GUCY1B1: variants seen among roughly 807,000 people sequenced by gnomAD.
GUCY1B1 encodes the protein guanylate cyclase 1 soluble subunit beta 1, also known as guanylate cyclase soluble subunit beta-1.
In GUCY1B1, 43 loss-of-function variants were observed where a neutral mutation model predicts 71.0. The ratio of observed to expected loss-of-function variants is 0.61; its 90% CI spans 0.47 to 0.78. GUCY1B1 has a LOEUF of 0.78. Among genes scored for constraint, GUCY1B1 ranks in the 30% least tolerant of loss-of-function variants. The probability of loss-of-function intolerance (pLI) is 0.00; values close to 1 mark genes in which losing one functional copy is unlikely to be tolerated. For missense variants in GUCY1B1, 535 were observed against 754.1 expected (o/e 0.71, Z 3.40); for synonymous variants, 266 against 259.7 (o/e 1.02, Z -0.23).
chr4:155,781,455 C>A (rs1226603470), intron 4 of GUCY1B1, among the ~76,000 whole-genome samples: 1 of 152,114 alleles, frequency 6.6e-6, no homozygotes, highest in Non-Finnish European at 1.5e-5. Flanking sequence ...CCTGCTTATG[C>A]AGTCTCTCCT....
chr4:155,805,796 C>G (rs1668202830), intron 13 of GUCY1B1, among the ~76,000 whole-genome samples: 1 of 152,130 alleles, frequency 6.6e-6, no homozygotes, highest in African/African-American at 2.4e-5. Flanking sequence ...TAAGTTCTTT[C>G]TACTACTATG....
chr4:155,772,633 T>G, intron 2 of GUCY1B1: 1 of 697,004 alleles, frequency 1.4e-6, no homozygotes, highest in South Asian at 1.5e-5. Context: ...TCGCCCAGGC[T>G]GTTCTCAAAT....
chr4:155,788,271 G>A (rs1579230760), intron 4 of GUCY1B1, among the ~76,000 whole-genome samples: 1 of 152,294 alleles, frequency 6.6e-6, no homozygotes, highest in East Asian at 1.9e-4. Context: ...CAGTTATAGG[G>A]CTGAGGACCC....
intron 3 of GUCY1B1, among the ~76,000 whole-genome samples, chr4:155,776,787 A>T (rs1738081752): frequency 6.6e-6 from 1 of 152,232 alleles, no homozygotes; most frequent in Non-Finnish European, 1.5e-5. Flanking sequence ...GTTATTAAAT[A>T]TACATATTTA....
rs779883763 is a variant in GUCY1B1, at chr4:155,803,618, T to C, written c.1414-6T>C. ...ACCGTGAACATCTAAATATATGTAC[T>C]GTTAGGTGGAGACTGTTGGTGACAA... On this transcript the variant is annotated splice_region_variant and splice_polypyrimidine_tract_variant and intron_variant, in intron 10 of 13. Transcript: ENST00000264424. 1.3e-6 allele frequency: 2 copies of C among 1,550,190 alleles called. No individual in the cohort carries two copies. Among genetic ancestry groups the C allele is most frequent in the Non-Finnish European group, 1.7e-6 (2 of 1,147,940 alleles).
chr4:155,793,957 A>G lies in GUCY1B1; in HGVS notation c.597A>G (p.Glu199=). The change falls in exon 6 of 14, where the codon GAA becomes GAG. Residue 199 remains glutamate, a synonymous_variant. Coordinates refer to ENST00000264424, the MANE Select transcript of GUCY1B1 (RefSeq NM_000857.5). The part of the protein sequence containing the change: ...EDFYEDLDRF[E]ENGTQESRIS... ...TTTATGAAGATCTTGACAGATTTGA[A>G]GAAAATGGTACCCAGGAATCACGCA... 1 of 1,602,702 alleles carries G rather than the reference A, an allele frequency of 6.2e-7. No individual in the cohort carries two copies.
Position 155,789,800 on chromosome 4 carries a change from C to A in GUCY1B1, c.384C>A (p.Gly128=), listed in dbSNP as rs1429497805. 1 of 1,607,806 alleles carries A rather than the reference C, an allele frequency of 6.2e-7. No homozygotes were observed. Residue 128 remains glycine, a synonymous_variant, in exon 5 of 14, where the codon GGC becomes GGA. Transcript: ENST00000264424. ...PSFRCTDAEK[G]KGLILHYYSE... ...TTAGGTGCACTGATGCAGAAAAGGG[C>A]AAAGGACTCATTTTGCACTACTACT...
At chr4:155,782,340 C>T (rs1413807214) in intron 4 of GUCY1B1, among the ~76,000 whole-genome samples, 2 of 152,166 alleles carry the variant, frequency 1.3e-5, no homozygotes, top group African/African-American at 2.4e-5. Context: ...CCGCCCGCCT[C>T]GGCCTCCCAA....
chr4:155,789,842 T>C lies in GUCY1B1; in HGVS notation c.426T>C (p.Leu142=). The C allele has an allele frequency of 6.2e-7, 1 of 1,612,862 alleles. No individual in the cohort carries two copies. Among genetic ancestry groups the C allele is most frequent in the Non-Finnish European group, 8.5e-7 (1 of 1,178,916 alleles). The change falls in exon 5 of 14, where the codon CTT becomes CTC. Residue 142 remains leucine (L), a synonymous_variant. Transcript: ENST00000264424. Reference sequence around the variant, plus strand: ...ACTACTACTCAGAGAGAGAAGGACTTCAGGATATTGTCATTGGAATCATCA... The same window carrying C: ...ACTACTACTCAGAGAGAGAAGGACTCCAGGATATTGTCATTGGAATCATCA... ...ILHYYSEREG[L]QDIVIGIIKT...
chr4:155,775,346 G>A (rs192041445), intron 3 of GUCY1B1, among the ~76,000 whole-genome samples: 66 of 152,316 alleles, frequency 4.3e-4, no homozygotes, highest in Admixed American at 4.3e-3. Context: ...CTGCACTGCA[G>A]TAGTGGCCCA....
In GUCY1B1 at chr4:155,785,190, A is replaced by G. The variant is rs115993906; in HGVS notation, c.298-4524A>G. 267 of 627,328 alleles carry G rather than the reference A, an allele frequency of 4.3e-4. 1 individual carries two copies. Among genetic ancestry groups the G allele is most frequent in the Non-Finnish European group, 6.9e-4 (248 of 359,192 alleles). 38.9% of individuals were successfully genotyped at this position (627,328 alleles called of 1,614,324 possible). On this transcript the variant is annotated intron_variant, in intron 4 of 13. Coordinates refer to ENST00000264424, the MANE Select transcript of GUCY1B1 (RefSeq NM_000857.5). ...AATTATTAAATTAAAACCTTTAGGTATCTCAAGATATCAAAATAGATGAAT... is the reference window on the plus strand; with the variant it reads ...AATTATTAAATTAAAACCTTTAGGTGTCTCAAGATATCAAAATAGATGAAT...
rs1738695048 is a variant in GUCY1B1, at chr4:155,785,382, ACTT to A, written c.298-4328_298-4326del. 43 of 797,498 alleles carry A rather than the reference ACTT, an allele frequency of 5.4e-5. No homozygotes were observed. The South Asian group carries it at 6.4e-4, about 12-fold the overall frequency. The allele number at this position is 797,498 out of a possible 1,614,324, so 49.4% of individuals were successfully genotyped here. A position where few individuals can be genotyped will look rare whatever the true frequency, so the allele number is the denominator to read the frequency against. On this transcript the variant is annotated intron_variant, in intron 4 of 13. Transcript: ENST00000264424. ...TTTTTACTTTCATACATATGGACAT[ACTT>A]CTTTGCAATTGGCCACACAGCTCTT...
intron 7 of GUCY1B1, 47 bp downstream of exon 7, chr4:155,795,504 A>C (rs771506705): frequency 2.2e-6 from 2 of 911,480 alleles, no homozygotes; most frequent in Non-Finnish European, 3.6e-6. Flanking sequence ...TATGTCACAA[A>C]TTAGAAGTAT....
In GUCY1B1 at chr4:155,799,915, A is replaced by G. The variant is rs1739826529; in HGVS notation, c.1016A>G (p.Tyr339Cys). Reference protein sequence around the residue: ...NLDDLTRRGLYLSDIPLHDAT... With the variant: ...NLDDLTRRGLCLSDIPLHDAT... ...GACGATTTGACAAGGAGAGGGCTGT[A>G]TCTAAGTGACATCCCTCTGCATGAT... The change falls in exon 9 of 14, where the codon TAT becomes TGT. Residue 339 changes from tyrosine (Y) to cysteine (C), a missense_variant. Coordinates refer to ENST00000264424, the MANE Select transcript of GUCY1B1 (RefSeq NM_000857.5). 2 of 1,612,614 alleles carry G rather than the reference A, an allele frequency of 1.2e-6. No homozygotes were observed. Among genetic ancestry groups the G allele is most frequent in the Non-Finnish European group, 1.7e-6 (2 of 1,178,860 alleles).
intron 6 of GUCY1B1, among the ~76,000 whole-genome samples, chr4:155,794,527 G>T (rs1217187787): frequency 6.6e-6 from 1 of 152,146 alleles, no homozygotes; most frequent in Non-Finnish European, 1.5e-5. Context: ...GATGATGATG[G>T]ATTCAGTAGA....
chr4:155,789,868 A>G lies in GUCY1B1; in HGVS notation c.452A>G (p.Lys151Arg), dbSNP rs763580920. ...GLQDIVIGII[K>R]TVAQQIHGTE... is the part of the protein sequence containing the mutation. Reference sequence around the variant, plus strand: ...CAGGATATTGTCATTGGAATCATCAAAACAGTGGCACAACAAATCCATGGC... The same window carrying G: ...CAGGATATTGTCATTGGAATCATCAGAACAGTGGCACAACAAATCCATGGC... The change falls in exon 5 of 14, where the codon AAA (lysine) becomes AGA (arginine). Residue 151 changes from lysine (K) to arginine (R), a missense_variant. Transcript: ENST00000264424. The G allele has an allele frequency of 2.5e-6, 4 of 1,613,336 alleles. No individual in the cohort carries two copies. The highest frequency in any genetic ancestry group is 3.4e-6 in the Non-Finnish European group (4 of 1,179,426).
At chr4:155,761,241 G>A (rs1424409909) in intron 2 of GUCY1B1, among the ~76,000 whole-genome samples, 1 of 152,046 alleles carries the variant, frequency 6.6e-6, no homozygotes, top group African/African-American at 2.4e-5. Context: ...TTTTTATTTT[G>A]CTTAGTAGAC....
chr4:155,792,045 GA>G (rs1437287935), intron 5 of GUCY1B1, among the ~76,000 whole-genome samples: 3 of 152,034 alleles, frequency 2.0e-5, no homozygotes, highest in Non-Finnish European at 4.4e-5. Flanking sequence ...ATTCTCTTCT[GA>G]CCATTTATTC....
intron 2 of GUCY1B1, among the ~76,000 whole-genome samples, chr4:155,768,784 T>C (rs570114047): frequency 1.3e-5 from 2 of 152,196 alleles, no homozygotes; most frequent in Admixed American, 6.5e-5. Flanking sequence ...CTTATACGTA[T>C]TCAACTTCTA....
Sources: allele counts gnomAD v4.1 joint callset (sites outside exome capture counted in the v4.1 genomes callset), GRCh38; gene constraint gnomAD v4.1.1; transcripts MANE v1.5; gene names NCBI Gene and HGNC (gene_info 2026-07-23, HGNC 2026-07-21).